The following THSD4 variants were observed in gnomAD, a reference collection of about 807,000 sequenced individuals.
THSD4 encodes thrombospondin type-1 domain-containing protein 4.
In THSD4, 69 loss-of-function variants were observed where a neutral mutation model predicts 119.0. That is an observed-to-expected ratio of 0.58 (90% confidence interval 0.48 to 0.71). The LOEUF is 0.71. Among genes scored for constraint, THSD4 ranks in the 30% least tolerant of loss-of-function variants. THSD4 has a pLI of 0.00. For synonymous variants in THSD4, 524 were observed against 540.4 expected, an observed-to-expected ratio of 0.97 and a Z score of 0.42; for missense variants, 1,393 against 1,391.1, an observed-to-expected ratio of 1.00 and a Z score of -0.02.
chr15:71,596,780 C>T (rs927929812), intron 7 of THSD4, among the ~76,000 whole-genome samples: 2 of 152,192 alleles, frequency 1.3e-5, no homozygotes, highest in Non-Finnish European at 2.9e-5. Flanking sequence ...GGGAGCGCAG[C>T]TCTGTTTTGG....
At chr15:71,474,414 A>T (rs2047628591) in intron 7 of THSD4, among the ~76,000 whole-genome samples, 1 of 151,720 alleles carries the variant, frequency 6.6e-6, no homozygotes, top group African/African-American at 2.4e-5. Flanking sequence ...GTAGAGGCGG[A>T]GTTTCACCAT....
At chr15:71,445,830 G>A (rs1221061658) in intron 7 of THSD4, among the ~76,000 whole-genome samples, 1 of 152,162 alleles carries the variant, frequency 6.6e-6, no homozygotes, top group Non-Finnish European at 1.5e-5. Flanking sequence ...TATCCATGAC[G>A]GGATATGAAA....
intron 7 of THSD4, among the ~76,000 whole-genome samples, chr15:71,601,284 G>A (rs936501610): frequency 4.6e-5 from 7 of 152,158 alleles, no homozygotes; most frequent in Admixed American, 4.6e-4. Context: ...TCAATGATTG[G>A]CTGGGGGTAG....
At chr15:71,478,906 G>C (rs1231189685) in intron 7 of THSD4, among the ~76,000 whole-genome samples, 1 of 152,124 alleles carries the variant, frequency 6.6e-6, no homozygotes, top group African/African-American at 2.4e-5. Flanking sequence ...AGAGATGAAA[G>C]TTTCTGTCAT....
chr15:71,664,758 G>A (rs887335394), intron 8 of THSD4, among the ~76,000 whole-genome samples: 1 of 152,074 alleles, frequency 6.6e-6, no homozygotes, highest in African/African-American at 2.4e-5. Flanking sequence ...TTGGTTTTCT[G>A]TTCCTGCGTG....
At chr15:71,546,892 C>T (rs1595874585) in intron 7 of THSD4, among the ~76,000 whole-genome samples, 2 of 152,172 alleles carry the variant, frequency 1.3e-5, no homozygotes, top group African/African-American at 2.4e-5. Flanking sequence ...CAGCCCAGAG[C>T]GGACTGGCAA....
intron 1 of THSD4, among the ~76,000 whole-genome samples, chr15:71,122,979 G>A (rs2040420657): frequency 6.6e-6 from 1 of 152,194 alleles, no homozygotes; most frequent in African/African-American, 2.4e-5. Flanking sequence ...GCCCAGACAA[G>A]GGGGACCCAG....
At chr15:71,136,552 A>G (rs1226808385) in intron 1 of THSD4, among the ~76,000 whole-genome samples, 1 of 152,050 alleles carries the variant, frequency 6.6e-6, no homozygotes, top group African/African-American at 2.4e-5. Context: ...ACTTCCTTCT[A>G]GCATCTCTGG....
At chr15:71,351,622 C>T (rs149314977) in intron 6 of THSD4, among the ~76,000 whole-genome samples, 2 of 152,316 alleles carry the variant, frequency 1.3e-5, no homozygotes, top group Non-Finnish European at 2.9e-5. Context: ...CTCACATCAT[C>T]TGTGGCAAGG....
intron 6 of THSD4, chr15:71,341,116 CT>C (rs148908902): frequency 0.013 from 14,884 of 1,145,522 alleles, 180 homozygotes; most frequent in African/African-American, 0.066. Context: ...CTCTCTCTCC[CT>C]TTTTTTTTTC....
At chr15:71,742,347 C>T (rs1343236612) in intron 11 of THSD4, among the ~76,000 whole-genome samples, 1 of 152,210 alleles carries the variant, frequency 6.6e-6, no homozygotes, top group African/African-American at 2.4e-5. Flanking sequence ...AAACTCTTGG[C>T]TTGTTTCATT....
At chr15:71,591,455 A>G (rs1343236363) in intron 7 of THSD4, among the ~76,000 whole-genome samples, 2 of 152,252 alleles carry the variant, frequency 1.3e-5, no homozygotes, top group East Asian at 3.8e-4. Flanking sequence ...ACACAGCAAG[A>G]GCATTGCTAT....
At chr15:71,395,908 A>T (rs1734787768) in intron 6 of THSD4, among the ~76,000 whole-genome samples, 1 of 131,822 alleles carries the variant, frequency 7.6e-6, no homozygotes, top group Non-Finnish European at 1.6e-5. Flanking sequence ...CAGTGTTTTG[A>T]AGAGAGACAC....
rs374778193 is a variant in THSD4, at chr15:71,572,703, G to C, written c.1153-87827G>C. 7.3e-4 allele frequency among the ~76,000 whole-genome samples: 111 copies of C among 152,254 alleles called. 2 individuals are homozygous for C. In the South Asian group the frequency reaches 0.023, roughly 31 times the overall value. The stretch of plus-strand genomic sequence containing the variant: ...TGGTTCAGCATAATCTTAGGATTCT[G>C]TGTGTTTTATTTTCCAAGTCGGAAA... On this transcript the variant is annotated intron_variant, in intron 7 of 17. Coordinates refer to ENST00000261862, the MANE Select transcript of THSD4 (RefSeq NM_024817.3).
At chr15:71,662,337 T>C (rs2051327263) in intron 8 of THSD4, among the ~76,000 whole-genome samples, 1 of 152,170 alleles carries the variant, frequency 6.6e-6, no homozygotes, top group Non-Finnish European at 1.5e-5. Context: ...TTCAATTTGC[T>C]TTGACAAAAC....
chr15:71,448,297 T>C (rs1490874253), intron 7 of THSD4, among the ~76,000 whole-genome samples: 2 of 152,174 alleles, frequency 1.3e-5, no homozygotes. Context: ...CCCAGAGAAA[T>C]GTCATTTGCC....
chr15:71,264,415 G>T (rs2044440598), intron 6 of THSD4, among the ~76,000 whole-genome samples: 1 of 152,200 alleles, frequency 6.6e-6, no homozygotes, highest in African/African-American at 2.4e-5. Context: ...CATGCCAGGG[G>T]ATACCTGGCA....
At position 71,243,000 on chromosome 15, in the gene THSD4, G is replaced by A; in HGVS notation, c.816G>A (p.Gly272=). ...AAACAAGCAACAACCACGGTGTGGG[G>A]ACCCATGGGGCAACTCAGAGCTTCT... ...SPETSNNHGV[G]THGATQSFSQ... The change falls in exon 5 of 18, where the codon GGG becomes GGA. Residue 272 remains glycine (G), a synonymous_variant. Transcript: ENST00000261862. 5.0e-6 allele frequency: 8 copies of A among 1,614,206 alleles called. No individual in the cohort carries two copies. Among genetic ancestry groups the A allele is most frequent in the Non-Finnish European group, 6.8e-6 (8 of 1,180,044 alleles).
chr15:71,744,651 T>A (rs1378679658), intron 11 of THSD4, among the ~76,000 whole-genome samples: 2 of 152,300 alleles, frequency 1.3e-5, no homozygotes, highest in Non-Finnish European at 2.9e-5. Context: ...CATGCACATA[T>A]CTACCCAAAC....
Sources: gnomAD v4.1 joint callset for allele counts (sites outside exome capture counted in the v4.1 genomes callset) on GRCh38, gnomAD v4.1.1 for gene constraint, MANE v1.5 for transcripts, NCBI Gene and HGNC (gene_info 2026-07-23, HGNC 2026-07-21) for gene names.